OSBPL1A: variants seen among roughly 807,000 people sequenced by gnomAD.
OSBPL1A encodes oxysterol binding protein like 1A.
A neutral mutation model predicts 137.1 loss-of-function variants in OSBPL1A; 80 were observed. The ratio of observed to expected loss-of-function variants is 0.58; its 90% CI spans 0.49 to 0.70. The LOEUF is 0.70. Ranked by LOEUF, OSBPL1A falls within the 30% of genes least tolerant of loss-of-function variation. The probability of loss-of-function intolerance (pLI) is 0.00; values close to 1 mark genes in which losing one functional copy is unlikely to be tolerated. For missense variants in OSBPL1A, 970 were observed against 1,129.4 expected (o/e 0.86, Z 2.02); for synonymous variants, 365 against 389.7 (o/e 0.94, Z 0.75).
intron 14 of OSBPL1A, 117 bp downstream of exon 14, chr18:24,303,520 A>C: frequency 1.4e-6 from 1 of 718,018 alleles, no homozygotes; most frequent in Non-Finnish European, 2.3e-6. Flanking sequence ...TAGTTTTATC[A>C]AATATAACTC....
chr18:24,304,349 A>T (rs1425971837), intron 13 of OSBPL1A, among the ~76,000 whole-genome samples: 1 of 152,234 alleles, frequency 6.6e-6, no homozygotes, highest in Non-Finnish European at 1.5e-5. Context: ...ATAAATATAG[A>T]ATTTCTTGAT....
At chr18:24,282,144 A>C (rs2089974470) in intron 14 of OSBPL1A, among the ~76,000 whole-genome samples, 1 of 151,840 alleles carries the variant, frequency 6.6e-6, no homozygotes, top group Non-Finnish European at 1.5e-5. Context: ...GTGCCAAAAA[A>C]GTTGGGGAGC....
At chr18:24,261,849 C>T (rs2089451997) in intron 15 of OSBPL1A, among the ~76,000 whole-genome samples, 1 of 151,954 alleles carries the variant, frequency 6.6e-6, no homozygotes, top group African/African-American at 2.4e-5. Context: ...AAGACTTTGT[C>T]TCAAAAAATA....
intron 15 of OSBPL1A, among the ~76,000 whole-genome samples, chr18:24,258,379 A>G (rs963996974): frequency 6.6e-6 from 1 of 152,256 alleles, no homozygotes; most frequent in African/African-American, 2.4e-5. Flanking sequence ...ACAGAAAGAC[A>G]AACATTGCAT....
At chr18:24,355,074 G>T (rs1434674733) in intron 4 of OSBPL1A, among the ~76,000 whole-genome samples, 3 of 152,158 alleles carry the variant, frequency 2.0e-5, no homozygotes, top group African/African-American at 7.2e-5. Context: ...CCCTGAAGGG[G>T]AATTGCCAGG....
chr18:24,309,564 A>T (rs913408520), intron 13 of OSBPL1A, among the ~76,000 whole-genome samples: 6 of 152,194 alleles, frequency 3.9e-5, no homozygotes, highest in African/African-American at 1.4e-4. Context: ...TTCCCCTTAG[A>T]ATGTCTATAG....
chr18:24,169,627 G>A (rs941807347), intron 24 of OSBPL1A, among the ~76,000 whole-genome samples: 5 of 152,220 alleles, frequency 3.3e-5, no homozygotes, highest in Non-Finnish European at 5.9e-5. Context: ...GTGGGGCTAA[G>A]ATTCTAACCC....
At chr18:24,243,818 T>C (rs28406873) in intron 15 of OSBPL1A, among the ~76,000 whole-genome samples, 16,883 of 152,186 alleles carry the variant, frequency 0.11, 1,758 homozygotes, top group African/African-American at 0.28. Context: ...TACCTTCTTA[T>C]AAAATAGCCA....
intron 25 of OSBPL1A, 152 bp downstream of exon 25, chr18:24,167,177 A>C: frequency 1.5e-6 from 1 of 675,556 alleles, no homozygotes; most frequent in East Asian, 2.6e-5. Context: ...CGCTGAGCTC[A>C]GGCAAGAAGG....
intron 14 of OSBPL1A, among the ~76,000 whole-genome samples, chr18:24,300,099 T>C (rs948250900): frequency 2.0e-5 from 3 of 152,184 alleles, no homozygotes; most frequent in Admixed American, 6.5e-5. Flanking sequence ...AAAGATAAAA[T>C]AGTAAAAATT....
intron 4 of OSBPL1A, chr18:24,357,952 C>T (rs1033069392): frequency 1.3e-5 from 2 of 156,040 alleles, no homozygotes; most frequent in Non-Finnish European, 2.8e-5. Context: ...TGCTCTGATT[C>T]GTATGCTAGA....
intron 15 of OSBPL1A, among the ~76,000 whole-genome samples, chr18:24,254,474 G>A (rs1003720579): frequency 6.6e-6 from 1 of 152,066 alleles, no homozygotes; most frequent in African/African-American, 2.4e-5. Context: ...AAAGCATACA[G>A]AAAAAGAGAA....
At chr18:24,256,891 T>G (rs2089290000) in intron 15 of OSBPL1A, among the ~76,000 whole-genome samples, 1 of 130,728 alleles carries the variant, frequency 7.6e-6, no homozygotes, top group Non-Finnish European at 1.5e-5. Context: ...ACCTAGGAAT[T>G]AAGTTAACCA....
intron 18 of OSBPL1A, among the ~76,000 whole-genome samples, chr18:24,187,830 T>C (rs777047628): frequency 6.6e-6 from 1 of 152,138 alleles, no homozygotes; most frequent in Non-Finnish European, 1.5e-5. Flanking sequence ...GACAGGGTGC[T>C]GCCCTTCCTG....
At chr18:24,252,438 G>GA (rs930107025) in intron 15 of OSBPL1A, among the ~76,000 whole-genome samples, 5 of 151,690 alleles carry the variant, frequency 3.3e-5, no homozygotes, top group South Asian at 4.2e-4. Context: ...AGTGCTGAAG[G>GA]AAAAAAACTC....
intron 7 of OSBPL1A, among the ~76,000 whole-genome samples, chr18:24,321,044 A>G (rs1402462291): frequency 3.1e-5 from 4 of 127,704 alleles, no homozygotes; most frequent in African/African-American, 2.7e-5. Flanking sequence ...AAAAAAAAAA[A>G]AGAAAAGAAA....
At chr18:24,230,736 A>G (rs570648147) in intron 16 of OSBPL1A, among the ~76,000 whole-genome samples, 1 of 152,324 alleles carries the variant, frequency 6.6e-6, no homozygotes, top group South Asian at 2.1e-4. Flanking sequence ...AAACCACTCA[A>G]AAATTTTAGG....
intron 17 of OSBPL1A, among the ~76,000 whole-genome samples, chr18:24,222,781 TTC>T (rs2087933254): frequency 6.6e-6 from 1 of 151,138 alleles, no homozygotes; most frequent in South Asian, 2.1e-4. Context: ...ATTTATAATA[TTC>T]TCTTTTCTCA....
At chr18:24,273,555 CAG>C (rs1373828860) in intron 15 of OSBPL1A, among the ~76,000 whole-genome samples, 2 of 152,190 alleles carry the variant, frequency 1.3e-5, no homozygotes, top group African/African-American at 4.8e-5. Context: ...GTCGAGGTAG[CAG>C]AGTTTAGATC....
Sources: allele counts gnomAD v4.1 joint callset (sites outside exome capture counted in the v4.1 genomes callset), GRCh38; gene constraint gnomAD v4.1.1; transcripts MANE v1.5; gene names NCBI Gene and HGNC (gene_info 2026-07-23, HGNC 2026-07-21).